CTTN: variants seen among roughly 807,000 people sequenced by gnomAD.
The protein encoded by CTTN is src substrate cortactin.
CTTN carries 28 observed loss-of-function variants against 84.0 expected under a neutral mutation model. The observed-to-expected ratio is 0.33, with a 90% CI of 0.25 to 0.46. CTTN has a LOEUF of 0.46. Among genes scored for constraint, CTTN ranks in the 20% least tolerant of loss-of-function variants. The pLI, the probability that CTTN is intolerant of heterozygous loss-of-function variation, is 1.00. For missense variants in CTTN, 641 were observed against 723.8 expected (o/e 0.89, Z 1.31); for synonymous variants, 301 against 288.8 (o/e 1.04, Z -0.43).
intron 15 of CTTN, among the ~76,000 whole-genome samples, chr11:70,432,023 G>A (rs2058358811): frequency 6.6e-6 from 1 of 152,122 alleles, no homozygotes; most frequent in Non-Finnish European, 1.5e-5. Context: ...TCAGTTACAG[G>A]GGTCACACTC....
At chr11:70,424,881 G>C (rs1174289523) in intron 12 of CTTN, among the ~76,000 whole-genome samples, 1 of 152,160 alleles carries the variant, frequency 6.6e-6, no homozygotes, top group Non-Finnish European at 1.5e-5. Context: ...CAGCACGTAA[G>C]AGTCATCGCC....
Position 70,436,092 on chromosome 11 carries a change from G to A in CTTN, c.*930G>A. 1.4e-6 allele frequency: 2 copies of A among 1,426,660 alleles called. No homozygotes were observed. The highest frequency in any genetic ancestry group is 2.9e-5 in the African/African-American group (2 of 69,628). 88.4% of individuals were successfully genotyped at this position (1,426,660 alleles called of 1,614,324 possible). A position where few individuals can be genotyped will look rare whatever the true frequency, so the allele number is the denominator to read the frequency against. On this transcript the variant is annotated 3_prime_UTR_variant, in exon 18 of 18. Transcript: ENST00000301843. ...AGGAAGGCAGTGCCTGCTCTGCTGT[G>A]AGCCGCCAGGAACCCTCCTCCTGTC...
intron 1 of CTTN, among the ~76,000 whole-genome samples, chr11:70,402,150 GA>G (rs1328791012): frequency 6.6e-6 from 1 of 151,626 alleles, no homozygotes. Flanking sequence ...AAGACTGTCT[GA>G]AAAAGAAAAA....
chr11:70,431,441 G>A (rs2058353254), intron 15 of CTTN, among the ~76,000 whole-genome samples, 161 bp downstream of exon 15: 1 of 152,068 alleles, frequency 6.6e-6, no homozygotes, highest in East Asian at 1.9e-4. Flanking sequence ...GGAGCGCCTG[G>A]GGGGTGGGTG....
chr11:70,434,882 G>T, intron 17 of CTTN, 144 bp from the exon 18 acceptor site: 1 of 823,072 alleles, frequency 1.2e-6, no homozygotes, highest in Non-Finnish European at 2.0e-6. Flanking sequence ...GGGAGAGGCA[G>T]CAGGAGCCTC....
intron 1 of CTTN, among the ~76,000 whole-genome samples, chr11:70,402,948 T>TG (rs2058003328): frequency 1.3e-5 from 2 of 152,202 alleles, no homozygotes; most frequent in Admixed American, 1.3e-4. Context: ...GGCTTCCAGT[T>TG]TTTCAACACT....
intron 13 of CTTN, 35 bp from the exon 14 acceptor site, chr11:70,429,016 G>T: frequency 6.2e-7 from 1 of 1,612,672 alleles, no homozygotes. Context: ...TTTTTGCTGT[G>T]CTCAAGGCAC....
intron 12 of CTTN, among the ~76,000 whole-genome samples, chr11:70,424,489 G>T (rs2058278662): frequency 6.6e-6 from 1 of 152,060 alleles, no homozygotes; most frequent in South Asian, 2.1e-4. Context: ...TAACTGCCCG[G>T]GTCCCCATAC....
At chr11:70,415,455 C>T (rs1221128677) in intron 6 of CTTN, among the ~76,000 whole-genome samples, 5 of 152,196 alleles carry the variant, frequency 3.3e-5, no homozygotes, top group Admixed American at 2.6e-4. Flanking sequence ...TGGCCTGCGC[C>T]GCCCACTGGG....
chr11:70,436,515 C>T lies in CTTN; in HGVS notation c.*1353C>T. On this transcript the variant is annotated 3_prime_UTR_variant, in exon 18 of 18. Coordinates refer to ENST00000301843, the MANE Select transcript of CTTN (RefSeq NM_005231.4). ...ACTTATTGTATCTGAATTCCTGTAG[C>T]ACACCTCATAGGTATGATTTTTTTA... The T allele has an allele frequency of 1.1e-6, 1 of 923,428 alleles. No individual in the cohort carries two copies. Among genetic ancestry groups the T allele is most frequent in the Non-Finnish European group, 1.7e-6 (1 of 598,718 alleles). The allele number at this position is 923,428 out of a possible 1,614,324, so 57.2% of individuals were successfully genotyped here.
intron 7 of CTTN, chr11:70,415,978 T>A: frequency 2.3e-6 from 1 of 441,134 alleles, no homozygotes; most frequent in Admixed American, 3.9e-5. Flanking sequence ...GCTGTCATTG[T>A]GGGGCTTCTC....
In CTTN at chr11:70,436,099, C is replaced by T. The variant is rs147222758; in HGVS notation, c.*937C>T. The T allele has an allele frequency of 7.0e-7, 1 of 1,427,296 alleles. No homozygotes were observed. The highest frequency in any genetic ancestry group is 2.5e-5 in the East Asian group (1 of 39,324). The allele number at this position is 1,427,296 out of a possible 1,614,324, so 88.4% of individuals were successfully genotyped here. ...CAGTGCCTGCTCTGCTGTGAGCCGC[C>T]AGGAACCCTCCTCCTGTCAATGGGG... is the stretch of plus-strand genomic sequence containing the variant. On this transcript the variant is annotated 3_prime_UTR_variant, in exon 18 of 18. Transcript: ENST00000301843.
rs567105159 is a variant in CTTN at position 70,418,884 on chromosome 11, C to A, written c.569-862C>A. Among the ~76,000 whole-genome samples the A allele has an allele frequency of 7.1e-4, 107 of 150,384 alleles. 2 individuals carry two copies. The highest frequency in any genetic ancestry group is 7.0e-3 in the Middle Eastern group (2 of 284). ...CTCCTCCTTCCGGGTTCAAACAATT[C>A]TCCTGCCTCAGTCTCCTGAGTAGCC... On this transcript the variant is annotated intron_variant, in intron 8 of 17. Transcript: ENST00000301843.
intron 5 of CTTN, among the ~76,000 whole-genome samples, chr11:70,413,701 G>T (rs1019619850): frequency 1.3e-5 from 2 of 152,236 alleles, no homozygotes; most frequent in African/African-American, 4.8e-5. Context: ...AAATGAGCTG[G>T]CATGGGAGCC....
At chr11:70,416,824 C>CA (rs1841989097) in intron 7 of CTTN, 189 bp from the exon 8 acceptor site, 1 of 578,904 alleles carries the variant, frequency 1.7e-6, no homozygotes, top group African/African-American at 1.9e-5. Context: ...AGAACCCCCC[C>CA]ATGCACCTGT....
At chr11:70,409,729 A>G (rs975789464) in intron 4 of CTTN, 102 bp from the exon 5 acceptor site, 4 of 1,328,070 alleles carry the variant, frequency 3.0e-6, no homozygotes, top group South Asian at 2.6e-5. Flanking sequence ...CAGATTTACA[A>G]ATTTACAAAG....
chr11:70,431,974 C>A (rs575458611), intron 15 of CTTN, among the ~76,000 whole-genome samples: 1 of 152,294 alleles, frequency 6.6e-6, no homozygotes, highest in South Asian at 2.1e-4. Context: ...TGGCCATCAT[C>A]CTGGTCTATG....
At chr11:70,420,304 G>C in intron 9 of CTTN, 96 bp from the exon 10 acceptor site, 2 of 806,436 alleles carry the variant, frequency 2.5e-6, no homozygotes, top group Admixed American at 3.8e-5. Flanking sequence ...TAGATTGAGT[G>C]AATCATATGC....
intron 12 of CTTN, among the ~76,000 whole-genome samples, chr11:70,424,453 G>A (rs1367045414): frequency 6.6e-6 from 1 of 152,094 alleles, no homozygotes; most frequent in East Asian, 1.9e-4. Context: ...TGTGATGGAG[G>A]AGTCCAAGGC....
Sources: gnomAD v4.1 joint callset for allele counts (sites outside exome capture counted in the v4.1 genomes callset) on GRCh38, gnomAD v4.1.1 for gene constraint, MANE v1.5 for transcripts, NCBI Gene and HGNC (gene_info 2026-07-23, HGNC 2026-07-21) for gene names.